DOP1A: variants seen among roughly 807,000 people sequenced by gnomAD.
DOP1A encodes DOP1 leucine zipper like protein A, also known as protein DOP1A.
Under a neutral mutation model 267.6 loss-of-function variants are expected in DOP1A, and 90 were observed. That is an observed-to-expected ratio of 0.34 (90% CI 0.28 to 0.40). The LOEUF is 0.40. Ranked by LOEUF, DOP1A falls within the 10% of genes least tolerant of loss-of-function variation. DOP1A has a pLI of 1.00. For synonymous variants in DOP1A, 932 were observed against 999.1 expected (o/e 0.93, Z 1.27); for missense variants, 2,437 against 2,900.4 (o/e 0.84, Z 3.67).
chr6:83,133,650 CT>C (rs201627239), intron 18 of DOP1A, among the ~76,000 whole-genome samples: 1 of 151,860 alleles, frequency 6.6e-6, no homozygotes, highest in African/African-American at 2.4e-5. Flanking sequence ...TTATATTAAT[CT>C]TTTTCCAAAT....
chr6:83,165,784 C>T (rs1279062471), intron 38 of DOP1A: 4 of 279,916 alleles, frequency 1.4e-5, no homozygotes, highest in Non-Finnish European at 2.9e-5. Flanking sequence ...ACGTGCGGCC[C>T]AGTGTTGTCG....
rs1180264688 is a variant in DOP1A, at chr6:83,121,957, T to C, written c.1127T>C (p.Ile376Thr). Residue 376 changes from isoleucine (I) to threonine (T), a missense_variant, in exon 11 of 39, where the codon ATT (isoleucine) becomes ACT (threonine). Coordinates refer to ENST00000349129, the MANE Select transcript of DOP1A (RefSeq NM_015018.4). Reference sequence around the variant, plus strand: ...CCTGTAATTCTAGAAGATGTCCTGATTGAAGTGTTTAGAACATTATATTCT... The same window carrying C: ...CCTGTAATTCTAGAAGATGTCCTGACTGAAGTGTTTAGAACATTATATTCT... ...LGPVILEDVL[I>T]EVFRTLYSQC... is the part of the protein sequence containing the mutation. The C allele has an allele frequency of 6.2e-7, 1 of 1,608,798 alleles. No individual in the cohort carries two copies. Among genetic ancestry groups the C allele is most frequent in the Non-Finnish European group, 8.5e-7 (1 of 1,176,770 alleles).
chr6:83,145,639 C>T lies in DOP1A; in HGVS notation c.5657C>T (p.Pro1886Leu), dbSNP rs1475666644. 1.1e-5 allele frequency: 17 copies of T among 1,613,130 alleles called. No homozygotes were observed. The highest frequency in any genetic ancestry group is 5.9e-6 in the Non-Finnish European group (7 of 1,179,594). Residue 1886 changes from proline to leucine, a missense_variant, in exon 25 of 39, where the codon CCA (proline) becomes CTA (leucine). Transcript: ENST00000349129. ...QTVKEVLKQP[P>L]AIAKDKKHLS... ...GTAAAAGAAGTTTTAAAGCAGCCAC[C>T]AGCCATAGCCAAGGACAAGGTAAGA...
chr6:83,072,648 A>C (rs1365694565), intron 1 of DOP1A, among the ~76,000 whole-genome samples: 1 of 152,230 alleles, frequency 6.6e-6, no homozygotes, highest in Non-Finnish European at 1.5e-5. Context: ...AAAATCATAA[A>C]AATACTGCAA....
intron 1 of DOP1A, among the ~76,000 whole-genome samples, chr6:83,074,499 A>G (rs780589182): frequency 6.6e-6 from 1 of 152,194 alleles, no homozygotes; most frequent in Non-Finnish European, 1.5e-5. Context: ...TCAACTTTAC[A>G]CTCGTGCAAA....
intron 5 of DOP1A, among the ~76,000 whole-genome samples, chr6:83,109,463 C>G (rs1774180584): frequency 6.6e-6 from 1 of 152,118 alleles, no homozygotes; most frequent in Non-Finnish European, 1.5e-5. Flanking sequence ...ACATATAAGT[C>G]ACTCAAGAAA....
chr6:83,101,985 AT>A (rs1160646927), intron 4 of DOP1A, among the ~76,000 whole-genome samples: 1 of 151,938 alleles, frequency 6.6e-6, no homozygotes, highest in East Asian at 1.9e-4. Flanking sequence ...GACATTTCCC[AT>A]TTTCTCCTGC....
intron 4 of DOP1A, among the ~76,000 whole-genome samples, chr6:83,103,716 CCTTTT>C (rs2128145755): frequency 6.6e-6 from 1 of 152,288 alleles, no homozygotes; most frequent in African/African-American, 2.4e-5. Context: ...TTCTGTCTCT[CCTTTT>C]CTTAACGACT....
chr6:83,108,800 A>G (rs1774074635), intron 4 of DOP1A, 110 bp from the exon 5 acceptor site: 3 of 1,057,042 alleles, frequency 2.8e-6, no homozygotes, highest in African/African-American at 1.6e-5. Flanking sequence ...TTTTAAGCCA[A>G]TCAGTATAAC....
At chr6:83,164,881 G>A (rs1785090118) in intron 38 of DOP1A, 2 of 592,614 alleles carry the variant, frequency 3.4e-6, no homozygotes, top group African/African-American at 3.8e-5. Flanking sequence ...CATTTGTATG[G>A]AAACATTTGA....
chr6:83,103,542 A>G (rs928794122), intron 4 of DOP1A, among the ~76,000 whole-genome samples: 3 of 152,080 alleles, frequency 2.0e-5, no homozygotes, highest in African/African-American at 7.2e-5. Flanking sequence ...ATTTTCAACC[A>G]CTATCTTTTG....
rs1413601845 is a variant in DOP1A, at chr6:83,151,956, G to A, written c.5978G>A (p.Arg1993Gln). The change falls in exon 29 of 39, where the codon CGA (arginine) becomes CAA (glutamine). Residue 1993 changes from arginine (R) to glutamine (Q), a missense_variant. Transcript: ENST00000349129. Reference sequence around the variant, plus strand: ...TCTCTGGAACAGACAACATGGCTGCGACGAAATCTTGAAGTTAAGCCTTCT... The same window carrying A: ...TCTCTGGAACAGACAACATGGCTGCAACGAAATCTTGAAGTTAAGCCTTCT... ...GSSLEQTTWLRRNLEVKPSPK... is the reference protein window; with the variant it reads ...GSSLEQTTWLQRNLEVKPSPK... The A allele has an allele frequency of 2.5e-6, 4 of 1,613,864 alleles. No homozygotes were observed. Among genetic ancestry groups the A allele is most frequent in the South Asian group, 1.1e-5 (1 of 91,070 alleles).
chr6:83,068,008 C>T (rs1162779067), intron 1 of DOP1A, among the ~76,000 whole-genome samples: 2 of 152,092 alleles, frequency 1.3e-5, no homozygotes, highest in Non-Finnish European at 2.9e-5. Flanking sequence ...GGGCTGGGGC[C>T]GGGGCCTGGG....
intron 7 of DOP1A, among the ~76,000 whole-genome samples, chr6:83,117,170 A>G (rs1775590345): frequency 1.8e-5 from 1 of 54,150 alleles, no homozygotes; most frequent in Non-Finnish European, 4.4e-5. Flanking sequence ...TTTTATTTTG[A>G]GACAGAGTCT....
In DOP1A at chr6:83,138,642, T is replaced by A; in HGVS notation, c.4600T>A (p.Ser1534Thr). The change falls in exon 21 of 39, where the codon TCA becomes ACA. Residue 1534 changes from serine to threonine, a missense_variant. By Grantham distance (58) the Ser-to-Thr change is moderately conservative. This residue lies in a region of DOP1A where 878 missense variants were observed against 992.9 expected (regional missense o/e 0.88). Transcript: ENST00000349129. ...GAAAGTGATTCTTCATTGTTTGCTG[T>A]CATCTATCTTTAGTGCTCAGAAATG... ...VQKVILHCLL[S>T]SIFSAQKWHS... is the part of the protein sequence containing the mutation. 2.5e-6 allele frequency: 4 copies of A among 1,613,974 alleles called. No individual in the cohort carries two copies. The highest frequency in any genetic ancestry group is 1.7e-4 in the Middle Eastern group (1 of 6,060).
At chr6:83,157,818 C>G (rs1562380291) in intron 35 of DOP1A, among the ~76,000 whole-genome samples, 1 of 152,112 alleles carries the variant, frequency 6.6e-6, no homozygotes, top group Non-Finnish European at 1.5e-5. Flanking sequence ...CTTCCCAAGT[C>G]CCACCTACAC....
chr6:83,071,135 G>A (rs1420919473), intron 1 of DOP1A, among the ~76,000 whole-genome samples: 1 of 152,198 alleles, frequency 6.6e-6, no homozygotes, highest in African/African-American at 2.4e-5. Flanking sequence ...AAGAATTTCA[G>A]TGGTGTTAAC....
chr6:83,086,640 G>GGCTT (rs1355482474), intron 1 of DOP1A, among the ~76,000 whole-genome samples: 1 of 152,152 alleles, frequency 6.6e-6, no homozygotes, highest in Non-Finnish European at 1.5e-5. Flanking sequence ...CCAAAAACAA[G>GGCTT]GTATTGAATA....
At chr6:83,140,192 T>G in intron 22 of DOP1A, 29 bp from the exon 23 acceptor site, 2 of 1,606,148 alleles carry the variant, frequency 1.2e-6, no homozygotes, top group Non-Finnish European at 1.7e-6. Context: ...CAGTAAGTAA[T>G]ATGTTTCTTT....
Sources: allele counts gnomAD v4.1 joint callset (sites outside exome capture counted in the v4.1 genomes callset), GRCh38; gene constraint gnomAD v4.1.1; regional missense constraint gnomAD v4.1.1; transcripts MANE v1.5; gene names NCBI Gene and HGNC (gene_info 2026-07-23, HGNC 2026-07-21).